SPTBN1: variants seen among roughly 807,000 people sequenced by gnomAD.
The protein encoded by SPTBN1 is spectrin beta, non-erythrocytic 1.
Under a neutral mutation model 266.4 loss-of-function variants are expected in SPTBN1, and 32 were observed. That is an observed-to-expected ratio of 0.12 (90% CI 0.09 to 0.16). The LOEUF (loss-of-function observed/expected upper bound fraction) is 0.16. SPTBN1 is among the 10% of genes least tolerant of loss of function. SPTBN1 has a pLI of 1.00. For synonymous variants in SPTBN1, 1,336 were observed against 1,162.2 expected (o/e 1.15, Z -3.04); for missense variants, 2,296 against 3,067.1 (o/e 0.75, Z 5.94).
chr2:54,623,994 T>G (rs1678161132), intron 10 of SPTBN1, among the ~76,000 whole-genome samples: 1 of 152,250 alleles, frequency 6.6e-6, no homozygotes, highest in Non-Finnish European at 1.5e-5. Flanking sequence ...TTAGAGATGC[T>G]GTCAAATAAG....
rs904355825 is a variant in SPTBN1 at position 54,581,097 on chromosome 2, TAAA to T, written c.149-17988_149-17986del. On this transcript the variant is annotated intron_variant, in intron 2 of 35. Coordinates refer to ENST00000356805, the MANE Select transcript of SPTBN1 (RefSeq NM_003128.3). ...TGGGCAAAAGAGCAAGACTTAGTCTTAAAAAAAAAGAAAAAATATATAAATATA... is the reference window on the plus strand; with the variant it reads ...TGGGCAAAAGAGCAAGACTTAGTCTTAAAAAAGAAAAAATATATAAATATA... 2.7e-5 allele frequency among the ~76,000 whole-genome samples: 4 copies of T among 150,270 alleles called. No homozygotes were observed. The East Asian group carries it at 7.8e-4, about 29-fold the overall frequency.
intron 2 of SPTBN1, among the ~76,000 whole-genome samples, chr2:54,555,095 C>G (rs1318090407): frequency 6.6e-6 from 1 of 152,136 alleles, no homozygotes; most frequent in Non-Finnish European, 1.5e-5. Flanking sequence ...CTTTGAGTCT[C>G]TCTCCTTAGA....
chr2:54,593,883 G>T (rs1408178871), intron 2 of SPTBN1, among the ~76,000 whole-genome samples: 1 of 133,412 alleles, frequency 7.5e-6, no homozygotes, highest in Non-Finnish European at 1.5e-5. Context: ...GCCCAGGCTG[G>T]AGTGCGGTGG....
rs1464179134 is a variant in SPTBN1, at chr2:54,667,762, C to T, written c.6876+116C>T. Reference sequence around the variant, plus strand: ...AATGATGATCAGTGATGGTTTCTATCACTGGGCTCCAGTCACCAGCACTAG... The same window carrying T: ...AATGATGATCAGTGATGGTTTCTATTACTGGGCTCCAGTCACCAGCACTAG... On this transcript the variant is annotated intron_variant, in intron 35 of 35. Coordinates refer to ENST00000356805, the MANE Select transcript of SPTBN1 (RefSeq NM_003128.3). 4.4e-6 allele frequency: 4 copies of T among 917,252 alleles called. No homozygotes were observed. The Admixed American group carries it at 6.1e-5, about 14-fold the overall frequency. 56.8% of individuals were successfully genotyped at this position (917,252 alleles called of 1,614,324 possible). A position where few individuals can be genotyped will look rare whatever the true frequency, so the allele number is the denominator to read the frequency against.
chr2:54,525,650 A>G (rs1388677360), intron 1 of SPTBN1, among the ~76,000 whole-genome samples: 1 of 152,288 alleles, frequency 6.6e-6, no homozygotes, highest in Non-Finnish European at 1.5e-5. Context: ...CTTAAAGATT[A>G]TAATTTATGG....
At chr2:54,665,792 G>A (rs1028570037) in intron 33 of SPTBN1, 123 bp from the exon 34 acceptor site, 3 of 1,143,312 alleles carry the variant, frequency 2.6e-6, no homozygotes, top group Non-Finnish European at 3.7e-6. Context: ...GGAAGGTTGA[G>A]GGTTGGGTGG....
intron 1 of SPTBN1, among the ~76,000 whole-genome samples, chr2:54,464,073 T>G (rs528621241): frequency 5.3e-4 from 80 of 152,326 alleles, no homozygotes; most frequent in African/African-American, 1.5e-3. Context: ...GAGCTCTGCA[T>G]CACCTGTTGA....
intron 1 of SPTBN1, among the ~76,000 whole-genome samples, chr2:54,520,955 C>G (rs1055073639): frequency 6.6e-6 from 1 of 152,112 alleles, no homozygotes; most frequent in African/African-American, 2.4e-5. Flanking sequence ...GGTGGAACCA[C>G]CAGGCAGAGT....
chr2:54,660,404 A>T, intron 32 of SPTBN1: 1 of 1,109,044 alleles, frequency 9.0e-7, no homozygotes, highest in Non-Finnish European at 1.1e-6. Flanking sequence ...AGAATCTAAC[A>T]GGTATGACAC....
chr2:54,638,364 C>T (rs1023773525), intron 18 of SPTBN1, among the ~76,000 whole-genome samples: 2 of 152,208 alleles, frequency 1.3e-5, no homozygotes, highest in African/African-American at 4.8e-5. Context: ...AACTGGCTAC[C>T]AAGTAAGAAG....
rs546049947 is a variant in SPTBN1 at position 54,464,423 on chromosome 2, A to G, written c.-48+7905A>G. Among the ~76,000 whole-genome samples, 3 of 152,336 alleles carry G rather than the reference A, an allele frequency of 2.0e-5. No homozygotes were observed. In the East Asian group the frequency reaches 5.8e-4, roughly 29 times the overall value. On this transcript the variant is annotated intron_variant, in intron 1 of 35. Transcript: ENST00000356805. Reference sequence around the variant, plus strand: ...GTTAGTGGAAATATCTGGATGCAAAATTGTATAGTGTACTATAATCCTGGT... The same window carrying G: ...GTTAGTGGAAATATCTGGATGCAAAGTTGTATAGTGTACTATAATCCTGGT...
chr2:54,552,723 G>A (rs1302021572), intron 2 of SPTBN1, among the ~76,000 whole-genome samples: 1 of 152,190 alleles, frequency 6.6e-6, no homozygotes, highest in African/African-American at 2.4e-5. Context: ...CCAAAGTGCT[G>A]GGATTACAGG....
chr2:54,623,381 C>T (rs1163668509), intron 9 of SPTBN1, 98 bp from the exon 10 acceptor site: 7 of 1,031,304 alleles, frequency 6.8e-6, no homozygotes, highest in Non-Finnish European at 1.1e-5. Context: ...ACATGCATTT[C>T]ATGTAAGTCA....
At chr2:54,531,413 G>A (rs1349453965) in intron 2 of SPTBN1, among the ~76,000 whole-genome samples, 2 of 152,178 alleles carry the variant, frequency 1.3e-5, no homozygotes, top group East Asian at 1.9e-4. Flanking sequence ...ATAGTAGGCA[G>A]GGTGTCAGCT....
chr2:54,577,433 C>G (rs1322392339), intron 2 of SPTBN1, among the ~76,000 whole-genome samples: 2 of 152,128 alleles, frequency 1.3e-5, no homozygotes, highest in African/African-American at 4.8e-5. Context: ...ACCTAACAAG[C>G]TACAAAGGAG....
chr2:54,575,371 A>G (rs1024930926), intron 2 of SPTBN1, among the ~76,000 whole-genome samples: 3 of 152,212 alleles, frequency 2.0e-5, no homozygotes, highest in Non-Finnish European at 4.4e-5. Flanking sequence ...AGCTTTTGCT[A>G]TTGATGAGTA....
rs535668694 is a variant in SPTBN1, at chr2:54,669,776, C to G, written c.*1207C>G. 2 of 152,544 alleles carry G rather than the reference C, an allele frequency of 1.3e-5. No homozygotes were observed. The highest frequency in any genetic ancestry group is 4.8e-5 in the African/African-American group (2 of 41,580). The allele number at this position is 152,544 out of a possible 1,614,324, so 9.4% of individuals were successfully genotyped here. A position where few individuals can be genotyped will look rare whatever the true frequency, so the allele number is the denominator to read the frequency against. Reference sequence around the variant, plus strand: ...AAACAAGAAACATTTTACAACCAGTCTGGGCTCACTTTTGCATTTTTTATG... The same window carrying G: ...AAACAAGAAACATTTTACAACCAGTGTGGGCTCACTTTTGCATTTTTTATG... On this transcript the variant is annotated 3_prime_UTR_variant, in exon 36 of 36. Coordinates refer to ENST00000356805, the MANE Select transcript of SPTBN1 (RefSeq NM_003128.3).
intron 2 of SPTBN1, chr2:54,557,854 A>G (rs1313867366): frequency 1.0e-6 from 1 of 985,230 alleles, no homozygotes; most frequent in Non-Finnish European, 1.2e-6. Context: ...GTGGCGCTGC[A>G]CAGCGCCCTG....
chr2:54,544,742 C>T (rs1413575585), intron 2 of SPTBN1, among the ~76,000 whole-genome samples: 2 of 152,026 alleles, frequency 1.3e-5, no homozygotes, highest in Non-Finnish European at 2.9e-5. Context: ...CAAACTTGAA[C>T]AAAGTTTTAA....
Sources: gnomAD v4.1 joint callset for allele counts (sites outside exome capture counted in the v4.1 genomes callset) on GRCh38, gnomAD v4.1.1 for gene constraint, MANE v1.5 for transcripts, NCBI Gene and HGNC (gene_info 2026-07-23, HGNC 2026-07-21) for gene names.